RBFOX1: variants seen among roughly 807,000 people sequenced by gnomAD.
The protein encoded by RBFOX1 is RNA binding protein fox-1 homolog 1.
RBFOX1 carries 8 observed loss-of-function variants against 57.7 expected under a neutral mutation model. The observed-to-expected ratio is 0.14, with a 90% CI of 0.08 to 0.25. The LOEUF (loss-of-function observed/expected upper bound fraction) is 0.25. Among genes scored for constraint, RBFOX1 ranks in the 10% least tolerant of loss-of-function variants. The pLI is 1.00. For missense variants in RBFOX1, 611 were observed against 548.5 expected, an observed-to-expected ratio of 1.11 and a Z score of -1.14; for synonymous variants, 326 against 222.4, an observed-to-expected ratio of 1.47 and a Z score of -4.15.
chr16:6,505,706 A>G (rs1005626472), intron 2 of RBFOX1, among the ~76,000 whole-genome samples: 1 of 152,202 alleles, frequency 6.6e-6, no homozygotes, highest in Non-Finnish European at 1.5e-5. Context: ...AAAGTGTAGT[A>G]CTCTTTGGTA....
chr16:6,102,740 G>T (rs769828630), intron 1 of RBFOX1, among the ~76,000 whole-genome samples: 3 of 152,126 alleles, frequency 2.0e-5, no homozygotes, highest in African/African-American at 7.2e-5. Flanking sequence ...CCTTTACCTT[G>T]ACTTGGTGAA....
At position 5,293,693 on chromosome 16, in the gene RBFOX1, C is replaced by G. The variant is rs147296272; in HGVS notation, c.219+53588C>G. Among the ~76,000 whole-genome samples, 679 of 151,500 alleles carry G rather than the reference C, an allele frequency of 4.5e-3. 10 individuals carry two copies. Among genetic ancestry groups the G allele is most frequent in the African/African-American group, 0.015 (616 of 41,148 alleles). On this transcript the variant is annotated intron_variant, in intron 1 of 2. Transcript: ENST00000585867. ...ACATGATTCCATTTATATGAAAGGT[C>G]CAGAATAGGCAAATCTATAGAGGCA...
intron 4 of RBFOX1, among the ~76,000 whole-genome samples, chr16:7,344,147 C>T (rs1238517043): frequency 8.2e-6 from 1 of 122,306 alleles, no homozygotes; most frequent in Non-Finnish European, 1.6e-5. Context: ...CTACTCTGAA[C>T]TGCAGTTTTC....
At chr16:7,187,175 T>A (rs1020364452) in intron 4 of RBFOX1, among the ~76,000 whole-genome samples, 1 of 151,116 alleles carries the variant, frequency 6.6e-6, no homozygotes, top group Non-Finnish European at 1.5e-5. Context: ...TCTCAAAAAA[T>A]AAATAAAAAA....
intron 1 of RBFOX1, among the ~76,000 whole-genome samples, chr16:5,456,143 T>G (rs1008448378): frequency 1.3e-5 from 2 of 152,176 alleles, no homozygotes; most frequent in Non-Finnish European, 1.5e-5. Flanking sequence ...CATGAGGTTA[T>G]GCTATCTATA....
At chr16:5,359,034 A>G (rs1266449237) in intron 1 of RBFOX1, among the ~76,000 whole-genome samples, 5 of 152,074 alleles carry the variant, frequency 3.3e-5, no homozygotes, top group South Asian at 2.1e-4. Context: ...TTTGATGTTT[A>G]TATCCCAGAA....
At chr16:5,452,182 G>A (rs1045835240) in intron 1 of RBFOX1, among the ~76,000 whole-genome samples, 41 of 142,470 alleles carry the variant, frequency 2.9e-4, no homozygotes, top group African/African-American at 9.4e-4. Context: ...GCAGTGGCAC[G>A]ATCTCAGCTC....
chr16:5,576,240 G>T (rs1391318165), intron 2 of RBFOX1, among the ~76,000 whole-genome samples: 2 of 152,178 alleles, frequency 1.3e-5, no homozygotes, highest in Non-Finnish European at 2.9e-5. Context: ...AGGCTGGAGT[G>T]CAGTGGTCTC....
chr16:5,265,254 C>T (rs1323864544), intron 1 of RBFOX1, among the ~76,000 whole-genome samples: 1 of 152,178 alleles, frequency 6.6e-6, no homozygotes, highest in African/African-American at 2.4e-5. Context: ...TTCAGTCTTT[C>T]CCCTTCCACA....
At chr16:6,572,660 T>C (rs1201222279) in intron 2 of RBFOX1, among the ~76,000 whole-genome samples, 2 of 151,924 alleles carry the variant, frequency 1.3e-5, no homozygotes, top group African/African-American at 2.4e-5. Context: ...TGTCACTATC[T>C]CAGCTCACCG....
intron 2 of RBFOX1, among the ~76,000 whole-genome samples, chr16:6,344,561 C>T (rs920647499): frequency 6.6e-6 from 1 of 151,362 alleles, no homozygotes; most frequent in Non-Finnish European, 1.5e-5. Context: ...CTGCGCCCGG[C>T]TAATTTTTTG....
chr16:6,351,058 C>G (rs2152845030), intron 2 of RBFOX1, among the ~76,000 whole-genome samples: 1 of 152,196 alleles, frequency 6.6e-6, no homozygotes, highest in South Asian at 2.1e-4. Context: ...CTCCTGTTGC[C>G]TTTCAACCAC....
intron 3 of RBFOX1, among the ~76,000 whole-genome samples, chr16:5,698,483 C>T (rs1222194092): frequency 6.6e-6 from 1 of 152,132 alleles, no homozygotes; most frequent in African/African-American, 2.4e-5. Flanking sequence ...GAAAACTGTA[C>T]ATGTAATATA....
intron 2 of RBFOX1, among the ~76,000 whole-genome samples, chr16:6,620,269 G>T (rs2098209304): frequency 1.3e-5 from 2 of 152,140 alleles, no homozygotes; most frequent in Non-Finnish European, 2.9e-5. Flanking sequence ...TGAAATTAAG[G>T]CAGAAATCAA....
At chr16:5,827,915 A>T (rs922367061) in intron 3 of RBFOX1, among the ~76,000 whole-genome samples, 53 of 147,248 alleles carry the variant, frequency 3.6e-4, no homozygotes, top group East Asian at 2.0e-4. Context: ...CCATCCATCC[A>T]TCCACCCATC....
intron 4 of RBFOX1, among the ~76,000 whole-genome samples, chr16:7,085,037 A>G (rs17559149): frequency 0.029 from 4,491 of 152,298 alleles, 93 homozygotes; most frequent in Middle Eastern, 0.051. Context: ...CAGAATGGAA[A>G]TACTGAAGAT....
At chr16:6,767,787 G>A (rs996141755) in intron 3 of RBFOX1, among the ~76,000 whole-genome samples, 37 of 151,756 alleles carry the variant, frequency 2.4e-4, no homozygotes, top group Middle Eastern at 3.2e-3. Context: ...GGTGACGGGT[G>A]CCTGTAATCC....
intron 3 of RBFOX1, among the ~76,000 whole-genome samples, chr16:6,751,966 C>G (rs1206460067): frequency 1.3e-5 from 2 of 152,070 alleles, no homozygotes; most frequent in African/African-American, 2.4e-5. Flanking sequence ...GATTTTATGT[C>G]CTTGCCCTCA....
chr16:5,990,161 C>T (rs1567227633), intron 4 of RBFOX1, among the ~76,000 whole-genome samples: 1 of 151,986 alleles, frequency 6.6e-6, no homozygotes, highest in East Asian at 1.9e-4. Flanking sequence ...AATTTTTTAC[C>T]TTTTTTTGTG....
Sources: gnomAD v4.1 joint callset for allele counts (sites outside exome capture counted in the v4.1 genomes callset) on GRCh38, gnomAD v4.1.1 for gene constraint, MANE v1.5 for transcripts, NCBI Gene and HGNC (gene_info 2026-07-23, HGNC 2026-07-21) for gene names.